The following ERAP1 variants were observed in gnomAD, a reference collection of about 807,000 sequenced individuals.
ERAP1 encodes the protein adipocyte-derived leucine aminopeptidase.
A neutral mutation model predicts 103.7 loss-of-function variants in ERAP1; 86 were observed. The observed-to-expected ratio is 0.83, with a 90% CI of 0.70 to 0.99. The LOEUF (loss-of-function observed/expected upper bound fraction) is 0.99, where lower values mean the gene tolerates loss of function less well. Among genes scored for constraint, ERAP1 ranks in the 50% least tolerant of loss-of-function variants. The pLI is 0.00. For missense variants in ERAP1, 1,009 were observed against 1,128.4 expected, an observed-to-expected ratio of 0.89 and a Z score of 1.52; for synonymous variants, 398 against 402.4, an observed-to-expected ratio of 0.99 and a Z score of 0.13.
chr5:96,934,808 G>C, the ERAP1 span: 1 of 152,526 alleles, frequency 6.6e-6, no homozygotes, highest in South Asian at 2.1e-4. Context: ...GGCAGGCGCA[G>C]TGAGGCGCAG....
At position 96,775,716 on chromosome 5, in the gene ERAP1, G is replaced by A. The variant is rs370954538; in HGVS notation, c.*680C>T. The A allele has an allele frequency of 2.4e-4, 48 of 201,194 alleles. 1 individual carries two copies. The South Asian group carries it at 8.3e-3, about 35-fold the overall frequency. 12.5% of individuals were successfully genotyped at this position (201,194 alleles called of 1,614,324 possible). ...ATCCAGAGGTGGAGAAGGCTGTGTGGAAAAGAGGGTCCCCTCTCGGAGCTA... is the reference window on the plus strand; with the variant it reads ...ATCCAGAGGTGGAGAAGGCTGTGTGAAAAAGAGGGTCCCCTCTCGGAGCTA... On this transcript the variant is annotated 3_prime_UTR_variant, in exon 19 of 19. Transcript: ENST00000443439.
At chr5:96,799,163 G>A (rs1037267818) in intron 3 of ERAP1, among the ~76,000 whole-genome samples, 1 of 152,004 alleles carries the variant, frequency 6.6e-6, no homozygotes, top group Non-Finnish European at 1.5e-5. Flanking sequence ...ACCACACCTG[G>A]CCAAAAATTT....
the ERAP1 span, among the ~76,000 whole-genome samples, chr5:96,834,837 T>C: frequency 6.6e-6 from 1 of 152,240 alleles, no homozygotes; most frequent in African/African-American, 2.4e-5. Context: ...CTAATGAGGA[T>C]TCATTTCTAT....
Position 96,780,076 on chromosome 5 carries a change from C to T in ERAP1, c.2670+347G>A, listed in dbSNP as rs573501642. ...GTTTATAAAGAACCTAGATTCCGGACCTGCCTCTTTAGCAACAGCTGGATG... is the reference window on the plus strand; with the variant it reads ...GTTTATAAAGAACCTAGATTCCGGATCTGCCTCTTTAGCAACAGCTGGATG... On this transcript the variant is annotated intron_variant, in intron 18 of 18. Transcript: ENST00000443439. 1.4e-4 allele frequency among the ~76,000 whole-genome samples: 22 copies of T among 152,322 alleles called. No individual in the cohort carries two copies. The East Asian group carries it at 3.9e-3, about 27-fold the overall frequency.
chr5:96,841,747 C>CTTTTTAT, the ERAP1 span, among the ~76,000 whole-genome samples: 1 of 108,522 alleles, frequency 9.2e-6, no homozygotes, highest in Middle Eastern at 5.0e-3. Context: ...TCTTCTTCTT[C>CTTTTTAT]TTTTTTTTTT....
chr5:96,848,976 T>G, the ERAP1 span, among the ~76,000 whole-genome samples: 1 of 152,174 alleles, frequency 6.6e-6, no homozygotes, highest in Non-Finnish European at 1.5e-5. Flanking sequence ...GTTCAACATA[T>G]GCAAATCATA....
intron 7 of ERAP1, among the ~76,000 whole-genome samples, chr5:96,793,051 A>G (rs962560538): frequency 4.6e-5 from 7 of 152,226 alleles, no homozygotes; most frequent in African/African-American, 1.4e-4. Flanking sequence ...TCCTATTGAG[A>G]TATCAGTAAT....
the ERAP1 span, among the ~76,000 whole-genome samples, chr5:96,868,621 T>C: frequency 6.6e-6 from 1 of 152,198 alleles, no homozygotes; most frequent in Non-Finnish European, 1.5e-5. Context: ...CTCCTAACCC[T>C]AGGCTAGTGG....
chr5:96,815,407 G>GTTTTTTTTTTTTTTTTT, the ERAP1 span, among the ~76,000 whole-genome samples: 3 of 105,458 alleles, frequency 2.8e-5, no homozygotes, highest in Admixed American at 9.1e-5. Context: ...TGTTTGTTTT[G>GTTTTTTTTTTTTTTTTT]TTTTTTATTT....
the ERAP1 span, among the ~76,000 whole-genome samples, chr5:96,898,572 C>A: frequency 3.9e-3 from 363 of 94,084 alleles, no homozygotes; most frequent in Middle Eastern, 6.3e-3. Context: ...TACTAAAATA[C>A]AAAAAAAAAA....
chr5:96,825,753 C>A, the ERAP1 span, among the ~76,000 whole-genome samples: 1 of 152,160 alleles, frequency 6.6e-6, no homozygotes, highest in Non-Finnish European at 1.5e-5. Context: ...AATCCATACA[C>A]TATATTTCTT....
chr5:96,850,562 T>C, the ERAP1 span, among the ~76,000 whole-genome samples: 7 of 152,140 alleles, frequency 4.6e-5, no homozygotes, highest in Admixed American at 6.6e-5. Context: ...CCTGTTAGAA[T>C]GGCTATAATT....
the ERAP1 span, among the ~76,000 whole-genome samples, chr5:96,863,744 G>A: frequency 1.3e-5 from 2 of 151,810 alleles, no homozygotes; most frequent in South Asian, 2.1e-4. Context: ...TGTGAAAATT[G>A]TTATTAGTTC....
downstream of ERAP1, among the ~76,000 whole-genome samples, chr5:96,770,756 A>C (rs1772006461): frequency 6.6e-6 from 1 of 152,220 alleles, no homozygotes; most frequent in East Asian, 1.9e-4. Context: ...AAAGTAATTG[A>C]ATTTGTATAA....
intron 3 of ERAP1, among the ~76,000 whole-genome samples, chr5:96,799,181 C>T (rs1267746852): frequency 6.6e-6 from 1 of 151,870 alleles, no homozygotes; most frequent in Non-Finnish European, 1.5e-5. Flanking sequence ...TTTCCATTCT[C>T]GAGTTGTGTT....
the ERAP1 span, chr5:96,913,400 AG>A: frequency 3.1e-6 from 5 of 1,614,154 alleles, no homozygotes; most frequent in South Asian, 5.5e-5. Context: ...AGACGTCCAA[AG>A]GGGCAGCAAC....
At position 96,790,529 on chromosome 5, in the gene ERAP1, A is replaced by G; in HGVS notation, c.1435T>C (p.Trp479Arg). 1 of 1,613,980 alleles carries G rather than the reference A, an allele frequency of 6.2e-7. No individual in the cohort carries two copies. The highest frequency in any genetic ancestry group is 8.5e-7 in the Non-Finnish European group (1 of 1,179,898). Residue 479 changes from tryptophan (W) to arginine (R), a missense_variant, in exon 9 of 19, where the codon TGG becomes CGG. Trp to Arg is a moderately radical substitution (Grantham distance 101). Around this residue, in one of 3 missense-constraint regions of ERAP1, gnomAD observed 611 missense variants for 651.7 expected, o/e 0.94. Transcript: ENST00000443439. Reference protein sequence around the residue: ...SYKNTKNEDLWDSMASICPTD... With the variant: ...SYKNTKNEDLRDSMASICPTD... ...ATACTCACACTTGCCATACTATCCCACAGGTCCTCGTTTTTTGTATTTTTA... is the reference window on the plus strand; with the variant it reads ...ATACTCACACTTGCCATACTATCCCGCAGGTCCTCGTTTTTTGTATTTTTA...
intron 18 of ERAP1, among the ~76,000 whole-genome samples, chr5:96,778,531 GT>G: frequency 6.6e-6 from 1 of 152,312 alleles, no homozygotes; most frequent in African/African-American, 2.4e-5. Context: ...TTATGAGAGA[GT>G]AAGCCAGGAG....
intron 11 of ERAP1, 81 bp downstream of exon 11, chr5:96,788,450 C>T: frequency 6.6e-7 from 1 of 1,516,710 alleles, no homozygotes; most frequent in Middle Eastern, 2.3e-4. Flanking sequence ...GTGGTAAGGG[C>T]ATTATTTCAA....
Sources: gnomAD v4.1 joint callset for allele counts (sites outside exome capture counted in the v4.1 genomes callset) on GRCh38, gnomAD v4.1.1 for gene constraint, gnomAD v4.1.1 regional missense constraint, MANE v1.5 for transcripts, NCBI Gene and HGNC (gene_info 2026-07-23, HGNC 2026-07-21) for gene names.